Variants in RGS6 observed in about 807,000 individuals in gnomAD.
RGS6 encodes the protein regulator of G protein signaling 6.
In RGS6, 30 loss-of-function variants were observed where a neutral mutation model predicts 78.5. The ratio of observed to expected loss-of-function variants is 0.38; its 90% CI spans 0.29 to 0.52. The LOEUF (loss-of-function observed/expected upper bound fraction) is 0.52, where lower values mean the gene tolerates loss of function less well. Among genes scored for constraint, RGS6 ranks in the 20% least tolerant of loss-of-function variants. The probability of loss-of-function intolerance (pLI) is 0.85; values close to 1 mark genes in which losing one functional copy is unlikely to be tolerated. For missense variants in RGS6, 495 were observed against 609.7 expected, an observed-to-expected ratio of 0.81 and a Z score of 1.98; for synonymous variants, 206 against 206.0, an observed-to-expected ratio of 1.00 and a Z score of 0.00.
At position 72,033,527 on chromosome 14, in the gene RGS6, G is replaced by T. The variant is rs182682945; in HGVS notation, c.84+68652G>T. Among the ~76,000 whole-genome samples the T allele has an allele frequency of 9.9e-5, 15 of 152,244 alleles. 1 individual carries two copies. The East Asian group carries it at 2.9e-3, about 29-fold the overall frequency. The stretch of plus-strand genomic sequence containing the variant: ...TGGGATTACAGGCATGAGTCAGTGT[G>T]CTCGGCTGATGCTTTGGTTATTTAC... On this transcript the variant is annotated intron_variant, in intron 2 of 17. Transcript: ENST00000553525.
At chr14:72,384,701 T>C (rs1033267269) in intron 3 of RGS6, among the ~76,000 whole-genome samples, 2 of 152,176 alleles carry the variant, frequency 1.3e-5, no homozygotes, top group African/African-American at 4.8e-5. Flanking sequence ...GGAGGAGATA[T>C]AACCAATGGA....
chr14:72,432,343 C>T (rs1195227491), intron 3 of RGS6, among the ~76,000 whole-genome samples: 1 of 152,168 alleles, frequency 6.6e-6, no homozygotes, highest in Non-Finnish European at 1.5e-5. Context: ...AACAATTCTA[C>T]ATGATCCAAA....
At chr14:72,541,219 AC>A in intron 17 of RGS6, 1 of 1,418,320 alleles carries the variant, frequency 7.1e-7, no homozygotes, top group Non-Finnish European at 9.3e-7. Context: ...TCCTTGTAAA[AC>A]CTGACTACTG....
chr14:72,101,131 T>C (rs2095519357), intron 2 of RGS6, among the ~76,000 whole-genome samples: 1 of 152,170 alleles, frequency 6.6e-6, no homozygotes, highest in African/African-American at 2.4e-5. Flanking sequence ...TGAGCCGTGA[T>C]TATGCTACTG....
rs376288680 is a variant in RGS6, at chr14:72,235,692, A to G, written c.85-116403A>G. On this transcript the variant is annotated intron_variant, in intron 2 of 17. Coordinates refer to ENST00000553525, the MANE Select transcript of RGS6 (RefSeq NM_001204424.2). ...GTAACGCCAAACCTAGGACTTGACT[A>G]TATGGTTCTGATACAGTCCAACAAT... 3.4e-3 allele frequency among the ~76,000 whole-genome samples: 516 copies of G among 152,300 alleles called. 8 individuals are homozygous for G. The highest frequency in any genetic ancestry group is 0.031 in the South Asian group (149 of 4,826).
At chr14:72,247,361 T>A (rs765200341) in intron 2 of RGS6, among the ~76,000 whole-genome samples, 9 of 152,158 alleles carry the variant, frequency 5.9e-5, no homozygotes, top group Non-Finnish European at 1.0e-4. Flanking sequence ...CTCAAATCCT[T>A]CAAAAACAGC....
Position 72,507,085 on chromosome 14 carries a change from C to T in RGS6, c.966-3069C>T, listed in dbSNP as rs12436937. ...TCAGGAGGCTGAGGCAGGAGAATGGCGTGAACCCAGGAGGCGGAGCCTGCA... is the reference window on the plus strand; with the variant it reads ...TCAGGAGGCTGAGGCAGGAGAATGGTGTGAACCCAGGAGGCGGAGCCTGCA... On this transcript the variant is annotated intron_variant, in intron 13 of 17. Coordinates refer to ENST00000553525, the MANE Select transcript of RGS6 (RefSeq NM_001204424.2). 5.3e-3 allele frequency among the ~76,000 whole-genome samples: 791 copies of T among 148,284 alleles called. 28 individuals carry two copies. Among genetic ancestry groups the T allele is most frequent in the Admixed American group, 0.037 (544 of 14,508 alleles).
intron 3 of RGS6, among the ~76,000 whole-genome samples, chr14:72,418,675 A>G (rs1257618179): frequency 1.3e-5 from 2 of 152,224 alleles, no homozygotes; most frequent in African/African-American, 4.8e-5. Flanking sequence ...CCTTGCATGG[A>G]AGGTGCCTGG....
At chr14:72,224,156 C>A (rs11623045) in intron 2 of RGS6, among the ~76,000 whole-genome samples, 2,765 of 152,332 alleles carry the variant, frequency 0.018, 36 homozygotes, top group East Asian at 0.061. Flanking sequence ...AAGTGTCTTA[C>A]TCCTGTAATC....
At chr14:72,180,282 C>T (rs1457792554) in intron 2 of RGS6, among the ~76,000 whole-genome samples, 1 of 152,192 alleles carries the variant, frequency 6.6e-6, no homozygotes, top group Non-Finnish European at 1.5e-5. Flanking sequence ...AAATCTTAGC[C>T]ACCAGAAATC....
intron 1 of RGS6, among the ~76,000 whole-genome samples, chr14:71,947,474 T>C (rs988187533): frequency 6.6e-6 from 1 of 152,126 alleles, no homozygotes; most frequent in African/African-American, 2.4e-5. Flanking sequence ...CTGTTTCTAA[T>C]CCCAAGAGTC....
At chr14:72,089,646 A>G (rs1343529885) in intron 2 of RGS6, among the ~76,000 whole-genome samples, 1 of 152,218 alleles carries the variant, frequency 6.6e-6, no homozygotes. Context: ...GGAAAAAAAA[A>G]TATTTACTAG....
intron 2 of RGS6, among the ~76,000 whole-genome samples, chr14:72,227,941 A>T (rs2048528456): frequency 6.6e-6 from 1 of 152,268 alleles, no homozygotes; most frequent in African/African-American, 2.4e-5. Context: ...ATGTCCTGGG[A>T]TTGGAGAACC....
the RGS6 span, among the ~76,000 whole-genome samples, chr14:71,881,672 A>T: frequency 2.0e-5 from 3 of 152,186 alleles, no homozygotes; most frequent in Admixed American, 1.3e-4. Context: ...TTGTGAGTCC[A>T]TTAAAACTCT....
chr14:72,403,833 G>T (rs2092685254), intron 3 of RGS6, among the ~76,000 whole-genome samples: 1 of 152,192 alleles, frequency 6.6e-6, no homozygotes, highest in South Asian at 2.1e-4. Flanking sequence ...AAGCCCATCT[G>T]CAGGCCTAAA....
At chr14:72,503,572 AAGAGAGAGAG>A (rs10602454) in intron 13 of RGS6, among the ~76,000 whole-genome samples, 26 of 150,694 alleles carry the variant, frequency 1.7e-4, no homozygotes, top group Admixed American at 7.9e-4. Context: ...TTCATTCAAA[AAGAGAGAGAG>A]AGAGAGAGAG....
In RGS6 at chr14:72,562,927, C is replaced by G. The variant is rs1353753348; in HGVS notation, c.*460C>G. The G allele has an allele frequency of 4.5e-6, 3 of 668,916 alleles. No individual in the cohort carries two copies. The highest frequency in any genetic ancestry group is 8.0e-6 in the Non-Finnish European group (3 of 376,406). 41.4% of individuals were successfully genotyped at this position (668,916 alleles called of 1,614,324 possible). ...ATTTGCATCACCTCCCTGGCACCTC[C>G]CATAGTTACAGCCACTACATCCCCA... On this transcript the variant is annotated 3_prime_UTR_variant, in exon 18 of 18. Coordinates refer to ENST00000553525, the MANE Select transcript of RGS6 (RefSeq NM_001204424.2).
intron 1 of RGS6, among the ~76,000 whole-genome samples, chr14:71,949,504 A>G (rs2092031563): frequency 6.6e-6 from 1 of 152,072 alleles, no homozygotes; most frequent in Non-Finnish European, 1.5e-5. Flanking sequence ...ATTTTAAATT[A>G]GATTTTTAAT....
chr14:72,161,705 G>A (rs2096855648), intron 2 of RGS6, among the ~76,000 whole-genome samples: 1 of 152,200 alleles, frequency 6.6e-6, no homozygotes, highest in Non-Finnish European at 1.5e-5. Context: ...TTAGCAAGTT[G>A]CTGAACTACA....
Sources: allele counts gnomAD v4.1 joint callset (sites outside exome capture counted in the v4.1 genomes callset), GRCh38; gene constraint gnomAD v4.1.1; transcripts MANE v1.5; gene names NCBI Gene and HGNC (gene_info 2026-07-23, HGNC 2026-07-21).